The following PTPRD variants were observed in gnomAD, a reference collection of about 807,000 sequenced individuals.
PTPRD encodes the protein receptor-type tyrosine-protein phosphatase delta.
In PTPRD, 34 loss-of-function variants were observed where a neutral mutation model predicts 214.5. The observed-to-expected ratio is 0.16, with a 90% CI of 0.12 to 0.21. PTPRD has a LOEUF of 0.21. Ranked by LOEUF, PTPRD falls within the 10% of genes least tolerant of loss-of-function variation. The probability of loss-of-function intolerance (pLI) is 1.00; values close to 1 mark genes in which losing one functional copy is unlikely to be tolerated. For synonymous variants in PTPRD, 1,128 were observed against 845.7 expected (o/e 1.33, Z -5.79); for missense variants, 2,545 against 2,398.7 (o/e 1.06, Z -1.27).
At chr9:9,252,152 C>G (rs1195893874) in intron 9 of PTPRD, among the ~76,000 whole-genome samples, 4 of 151,964 alleles carry the variant, frequency 2.6e-5, no homozygotes, top group Non-Finnish European at 4.4e-5. Flanking sequence ...CAAAATATGC[C>G]TCTTTGGCAT....
At chr9:9,675,574 G>C (rs1035181078) in intron 7 of PTPRD, among the ~76,000 whole-genome samples, 1 of 151,520 alleles carries the variant, frequency 6.6e-6, no homozygotes, top group Non-Finnish European at 1.5e-5. Context: ...ATTCAAAGTA[G>C]ATTAAAATAA....
chr9:10,485,347 TC>T (rs2099125763), intron 2 of PTPRD, among the ~76,000 whole-genome samples: 1 of 152,022 alleles, frequency 6.6e-6, no homozygotes, highest in East Asian at 1.9e-4. Flanking sequence ...CTATTCTGAG[TC>T]TTTTGTGGAT....
chr9:8,498,523 G>A (rs560229998), intron 25 of PTPRD, among the ~76,000 whole-genome samples: 16 of 152,286 alleles, frequency 1.1e-4, no homozygotes, highest in African/African-American at 3.4e-4. Context: ...GGATCCGTCC[G>A]CCTTTACAGA....
In PTPRD at chr9:10,159,278, C is replaced by A. The variant is rs2099112665; in HGVS notation, c.-544-125488G>T. Among the ~76,000 whole-genome samples, 3 of 151,942 alleles carry A rather than the reference C, an allele frequency of 2.0e-5. No individual in the cohort carries two copies. In the South Asian group the frequency reaches 6.2e-4, roughly 32 times the overall value. On this transcript the variant is annotated intron_variant, in intron 3 of 45. Coordinates refer to ENST00000381196, the MANE Select transcript of PTPRD (RefSeq NM_002839.4). ...TAAAAAGAATCTAAGCAAATATAGT[C>A]TAATTTTCTAAGCAAATATATCTAA...
intron 9 of PTPRD, among the ~76,000 whole-genome samples, chr9:9,216,539 G>C (rs1002899141): frequency 1.3e-5 from 2 of 152,052 alleles, no homozygotes; most frequent in Non-Finnish European, 2.9e-5. Context: ...CTACACAGCC[G>C]TCATCTTCCA....
At chr9:8,826,865 C>G (rs1407033422) in intron 11 of PTPRD, among the ~76,000 whole-genome samples, 1 of 152,012 alleles carries the variant, frequency 6.6e-6, no homozygotes, top group Non-Finnish European at 1.5e-5. Context: ...ACTCTCTAAC[C>G]CCACACACTG....
chr9:10,202,726 A>C (rs1212436753), intron 3 of PTPRD, among the ~76,000 whole-genome samples: 1 of 143,776 alleles, frequency 7.0e-6, no homozygotes, highest in Non-Finnish European at 1.5e-5. Context: ...AATATGTGTT[A>C]ATTATATGTC....
chr9:9,493,536 C>G (rs1198286410), intron 8 of PTPRD, among the ~76,000 whole-genome samples: 3 of 152,046 alleles, frequency 2.0e-5, no homozygotes, highest in Admixed American at 6.6e-5. Flanking sequence ...TGCCTGTAAT[C>G]CTAGCACTTT....
At chr9:8,836,704 C>T (rs556763485) in intron 11 of PTPRD, among the ~76,000 whole-genome samples, 1 of 145,282 alleles carries the variant, frequency 6.9e-6, no homozygotes. Context: ...TCAAGCGATT[C>T]TCCTGCCTCA....
chr9:8,480,449 A>C (rs1212915832), intron 30 of PTPRD, among the ~76,000 whole-genome samples: 1 of 152,128 alleles, frequency 6.6e-6, no homozygotes, highest in Non-Finnish European at 1.5e-5. Flanking sequence ...TGCTTCAGTG[A>C]ACTCTTTGCT....
chr9:8,378,733 C>T (rs1189793386), intron 37 of PTPRD, among the ~76,000 whole-genome samples: 1 of 152,004 alleles, frequency 6.6e-6, no homozygotes, highest in Non-Finnish European at 1.5e-5. Context: ...ACAGCCAGTT[C>T]AATGCACTGA....
intron 2 of PTPRD, among the ~76,000 whole-genome samples, chr9:10,553,332 T>C (rs938773529): frequency 3.4e-5 from 5 of 148,842 alleles, no homozygotes; most frequent in Non-Finnish European, 5.9e-5. Context: ...TAGACTCATA[T>C]GTTAACAATC....
chr9:8,642,863 A>G (rs1340052744), intron 12 of PTPRD, among the ~76,000 whole-genome samples: 1 of 152,236 alleles, frequency 6.6e-6, no homozygotes, highest in Non-Finnish European at 1.5e-5. Flanking sequence ...AACCTGCCCA[A>G]GTCAACAGCA....
intron 11 of PTPRD, among the ~76,000 whole-genome samples, chr9:8,787,515 G>T (rs62528841): frequency 0.1 from 15,167 of 152,056 alleles, 760 homozygotes; most frequent in East Asian, 0.15. Context: ...GGACAGGGGT[G>T]TACACAATAA....
At chr9:8,515,317 G>A (rs2097764454) in intron 21 of PTPRD, among the ~76,000 whole-genome samples, 1 of 152,106 alleles carries the variant, frequency 6.6e-6, no homozygotes, top group African/African-American at 2.4e-5. Flanking sequence ...TCATAGTATA[G>A]TGTCCTCCAT....
intron 11 of PTPRD, among the ~76,000 whole-genome samples, chr9:8,975,967 C>T (rs1479510360): frequency 6.6e-6 from 1 of 151,898 alleles, no homozygotes; most frequent in Non-Finnish European, 1.5e-5. Context: ...TAAGTAATCC[C>T]TCATAGTTGT....
intron 5 of PTPRD, among the ~76,000 whole-genome samples, chr9:9,847,056 T>A (rs925510483): frequency 4.6e-5 from 7 of 152,124 alleles, no homozygotes; most frequent in Admixed American, 4.6e-4. Context: ...TCTGAATAGT[T>A]TTAGTTTTAA....
intron 14 of PTPRD, among the ~76,000 whole-genome samples, chr9:8,540,316 T>C (rs2078075550): frequency 6.6e-6 from 1 of 152,082 alleles, no homozygotes; most frequent in African/African-American, 2.4e-5. Flanking sequence ...TTGAATACCA[T>C]GACTATTTAA....
intron 9 of PTPRD, among the ~76,000 whole-genome samples, chr9:9,310,780 T>A (rs1422136903): frequency 2.6e-5 from 4 of 151,870 alleles, no homozygotes; most frequent in African/African-American, 7.3e-5. Context: ...TAGCCGGGCA[T>A]GGTGGCAAAT....
Sources: allele counts gnomAD v4.1 joint callset (sites outside exome capture counted in the v4.1 genomes callset), GRCh38; gene constraint gnomAD v4.1.1; transcripts MANE v1.5; gene names NCBI Gene and HGNC (gene_info 2026-07-23, HGNC 2026-07-21).